Variants in KLF12 observed in about 807,000 individuals in gnomAD.
KLF12 encodes the protein Krueppel-like factor 12.
KLF12 carries 9 observed loss-of-function variants against 37.8 expected under a neutral mutation model. That is an observed-to-expected ratio of 0.24 (90% confidence interval 0.14 to 0.42). The LOEUF (loss-of-function observed/expected upper bound fraction) is 0.42, where lower values mean the gene tolerates loss of function less well. Among genes scored for constraint, KLF12 ranks in the 10% least tolerant of loss-of-function variants. The probability of loss-of-function intolerance (pLI) is 1.00; values close to 1 mark genes in which losing one functional copy is unlikely to be tolerated. For missense variants in KLF12, 411 were observed against 516.0 expected (o/e 0.80, Z 1.97); for synonymous variants, 208 against 202.1 (o/e 1.03, Z -0.25).
chr13:74,068,155 T>C (rs902939601), intron 1 of KLF12, among the ~76,000 whole-genome samples: 1 of 152,234 alleles, frequency 6.6e-6, no homozygotes, highest in Non-Finnish European at 1.5e-5. Context: ...AATGCCTTAT[T>C]TTTAAAATGT....
chr13:73,725,853 T>G (rs1876622885), intron 6 of KLF12, among the ~76,000 whole-genome samples: 1 of 149,684 alleles, frequency 6.7e-6, no homozygotes, highest in Non-Finnish European at 1.5e-5. Flanking sequence ...ATTTATTTAT[T>G]TATTTATTTA....
intron 6 of KLF12, among the ~76,000 whole-genome samples, chr13:73,728,735 C>T (rs929555135): frequency 2.0e-5 from 3 of 152,154 alleles, no homozygotes; most frequent in African/African-American, 7.2e-5. Flanking sequence ...GTCAAATCAG[C>T]CTCGTTTCTG....
intron 1 of KLF12, among the ~76,000 whole-genome samples, chr13:74,130,220 C>T (rs1489291897): frequency 6.6e-6 from 1 of 152,116 alleles, no homozygotes; most frequent in Non-Finnish European, 1.5e-5. Flanking sequence ...CAAAGCTGTG[C>T]ATAAATTGCA....
At chr13:74,304,157 A>AG in the KLF12 span, among the ~76,000 whole-genome samples, 1 of 152,162 alleles carries the variant, frequency 6.6e-6, no homozygotes, top group African/African-American at 2.4e-5. Flanking sequence ...TCTGTGATAA[A>AG]GGCACAGGCT....
At chr13:74,294,297 G>A in the KLF12 span, among the ~76,000 whole-genome samples, 1 of 152,126 alleles carries the variant, frequency 6.6e-6, no homozygotes, top group Non-Finnish European at 1.5e-5. Flanking sequence ...ATGTACATCG[G>A]ACCCATTAAG....
rs1156954487 is a variant in KLF12, at chr13:73,693,401, C to G, written c.*2089G>C. 2 of 152,144 alleles carry G rather than the reference C, an allele frequency of 1.3e-5. No homozygotes were observed. The highest frequency in any genetic ancestry group is 2.9e-5 in the Non-Finnish European group (2 of 68,028). 9.4% of individuals were successfully genotyped at this position (152,144 alleles called of 1,614,324 possible). A position where few individuals can be genotyped will look rare whatever the true frequency, so the allele number is the denominator to read the frequency against. On this transcript the variant is annotated 3_prime_UTR_variant, in exon 8 of 8. Coordinates refer to ENST00000377669, the MANE Select transcript of KLF12 (RefSeq NM_007249.5). ...TGCTATTTATCACTAGAACTGCAGC[C>G]CTTGTTGGAGGGAAATTGCTTGATG...
In KLF12 at chr13:73,715,287, T is replaced by C. The variant is rs375096541; in HGVS notation, c.1027+81A>G. On this transcript the variant is annotated intron_variant, in intron 7 of 7. Coordinates refer to ENST00000377669, the MANE Select transcript of KLF12 (RefSeq NM_007249.5). ...TTGAGAGGTACACAGGATGAATGAG[T>C]ACGAAAGGCTCCCGAGGTAAGTGGC... 6,661 of 1,237,308 alleles carry C rather than the reference T, an allele frequency of 5.4e-3. 22 individuals are homozygous for C. The highest frequency in any genetic ancestry group is 6.5e-3 in the Non-Finnish European group (5,672 of 873,948). 76.6% of individuals were successfully genotyped at this position (1,237,308 alleles called of 1,614,324 possible).
At chr13:73,725,879 A>T (rs1045201915) in intron 6 of KLF12, among the ~76,000 whole-genome samples, 1 of 140,082 alleles carries the variant, frequency 7.1e-6, no homozygotes, top group African/African-American at 2.9e-5. Flanking sequence ...TTATTTATTT[A>T]TTTTTTGAGA....
At chr13:74,191,805 T>C in the KLF12 span, among the ~76,000 whole-genome samples, 1 of 152,120 alleles carries the variant, frequency 6.6e-6, no homozygotes, top group African/African-American at 2.4e-5. Context: ...AGCTATAAAA[T>C]TTACCTTTTA....
intron 3 of KLF12, among the ~76,000 whole-genome samples, chr13:73,877,558 A>G (rs1403276402): frequency 6.6e-6 from 1 of 152,182 alleles, no homozygotes; most frequent in East Asian, 1.9e-4. Context: ...CATTTTGAAA[A>G]TATTATCCCA....
intron 3 of KLF12, among the ~76,000 whole-genome samples, chr13:73,921,893 C>T (rs888829103): frequency 2.0e-5 from 3 of 152,108 alleles, no homozygotes; most frequent in Non-Finnish European, 4.4e-5. Context: ...AAATACTACA[C>T]CACTATTATC....
chr13:73,947,726 T>A (rs6562791), intron 2 of KLF12, among the ~76,000 whole-genome samples: 1 of 150,538 alleles, frequency 6.6e-6, no homozygotes, highest in Admixed American at 6.6e-5. Flanking sequence ...AACCATATAA[T>A]CACAACAGTC....
chr13:74,267,870 T>C, the KLF12 span, among the ~76,000 whole-genome samples: 3 of 151,398 alleles, frequency 2.0e-5, no homozygotes, highest in African/African-American at 4.9e-5. Flanking sequence ...TTATGATTAA[T>C]TTTTTAAAAA....
At chr13:74,010,456 C>T (rs889745262) in intron 1 of KLF12, among the ~76,000 whole-genome samples, 5 of 152,124 alleles carry the variant, frequency 3.3e-5, no homozygotes, top group African/African-American at 1.2e-4. Context: ...ATGCTACACC[C>T]TACATTCAAC....
chr13:73,699,426 A>G (rs924965084), intron 7 of KLF12, among the ~76,000 whole-genome samples: 3 of 152,224 alleles, frequency 2.0e-5, no homozygotes, highest in African/African-American at 7.2e-5. Flanking sequence ...TGAAAATTAA[A>G]AAAAATTGAA....
rs1256483590 is a variant in KLF12, at chr13:73,695,410, T to C, written c.*80A>G. On this transcript the variant is annotated 3_prime_UTR_variant, in exon 8 of 8. Coordinates refer to ENST00000377669, the MANE Select transcript of KLF12 (RefSeq NM_007249.5). ...TGGTGATGCCCTTTTGTGTTAACAC[T>C]GTGAAGGGGATTCAGCCCTGCTGAA... 1.3e-5 allele frequency: 18 copies of C among 1,374,608 alleles called. No homozygotes were observed. The highest frequency in any genetic ancestry group is 2.5e-5 in the South Asian group (2 of 79,962). The allele number at this position is 1,374,608 out of a possible 1,614,324, so 85.2% of individuals were successfully genotyped here.
chr13:74,026,347 T>C (rs116015089), intron 1 of KLF12, among the ~76,000 whole-genome samples: 2 of 152,144 alleles, frequency 1.3e-5, no homozygotes, highest in Non-Finnish European at 2.9e-5. Context: ...CTAATAGAAC[T>C]GTATGTAATT....
intron 2 of KLF12, among the ~76,000 whole-genome samples, chr13:73,949,001 T>C (rs1890548170): frequency 6.6e-6 from 1 of 152,200 alleles, no homozygotes. Context: ...CCAAGAGCTG[T>C]GCATATAGCT....
At chr13:74,238,346 A>C in the KLF12 span, among the ~76,000 whole-genome samples, 1 of 131,746 alleles carries the variant, frequency 7.6e-6, no homozygotes, top group Non-Finnish European at 1.5e-5. Context: ...TTTTGCCAGT[A>C]TTTTATTGAG....
Sources: gnomAD v4.1 joint callset for allele counts (sites outside exome capture counted in the v4.1 genomes callset) on GRCh38, gnomAD v4.1.1 for gene constraint, MANE v1.5 for transcripts, NCBI Gene and HGNC (gene_info 2026-07-23, HGNC 2026-07-21) for gene names.